The following ABCG5 variants were observed in gnomAD, a reference collection of about 807,000 sequenced individuals.
ABCG5 encodes ATP binding cassette subfamily G member 5.
In ABCG5, 64 loss-of-function variants were observed where a neutral mutation model predicts 64.5. The ratio of observed to expected loss-of-function variants is 0.99; its 90% CI spans 0.81 to 1.22. ABCG5 has a LOEUF of 1.22. Ranked by LOEUF, ABCG5 falls within the 50% of genes most tolerant of loss-of-function variation. The probability of loss-of-function intolerance (pLI) is 0.00; values close to 1 mark genes in which losing one functional copy is unlikely to be tolerated. For synonymous variants in ABCG5, 385 were observed against 326.3 expected (o/e 1.18, Z -1.94); for missense variants, 908 against 829.5 (o/e 1.09, Z -1.16).
At chr2:43,821,623 G>T (rs1029457716) in intron 10 of ABCG5, among the ~76,000 whole-genome samples, 5 of 152,086 alleles carry the variant, frequency 3.3e-5, no homozygotes, top group Non-Finnish European at 7.4e-5. Context: ...AGGTGTGCTG[G>T]ACAATGCCTA....
Position 43,838,716 on chromosome 2 carries a change from G to A in ABCG5, c.-37C>T. The A allele has an allele frequency of 1.2e-6, 2 of 1,609,696 alleles. No homozygotes were observed. Among genetic ancestry groups the A allele is most frequent in the Non-Finnish European group, 1.7e-6 (2 of 1,178,394 alleles). On this transcript the variant is annotated 5_prime_UTR_variant, in exon 1 of 13. Transcript: ENST00000405322. This position sits in a 1 kb window ranked among gnomAD's most constrained non-coding sequence, Gnocchi z 4.2. ...AGCAAAGCTGGGCAAATTTTCTGGT[G>A]GCCGGACCCTCCCCAGAGTGGCTTC...
intron 12 of ABCG5, among the ~76,000 whole-genome samples, chr2:43,813,868 A>G (rs569019252): frequency 6.0e-5 from 9 of 150,422 alleles, no homozygotes; most frequent in Admixed American, 2.6e-4. Context: ...ACAGGCACGC[A>G]CCACCACGCC....
Position 43,824,322 on chromosome 2 carries a change from A to G in ABCG5, c.1015T>C (p.Leu339=), listed in dbSNP as rs756376137. 2.5e-6 allele frequency: 4 copies of G among 1,614,142 alleles called. No individual in the cohort carries two copies. The Admixed American group carries it at 5.0e-5, about 20-fold the overall frequency. The change falls in exon 8 of 13, where the codon TTG becomes CTG. Residue 339 remains leucine (L), a synonymous_variant. Transcript: ENST00000405322. ...YKKSAICHKT[L]KNIERMKHLK... ...TGTTTCATTCTTTCAATATTCTTCA[A>G]AGTTTTATGACAAATTGCTGATTTC... is the stretch of plus-strand genomic sequence containing the variant.
At chr2:43,832,387 T>C (rs1314567836) in intron 2 of ABCG5, 2 of 526,154 alleles carry the variant, frequency 3.8e-6, no homozygotes, top group African/African-American at 3.8e-5. Flanking sequence ...TCTTTAAAAC[T>C]GTTTTGGATT....
At chr2:43,817,012 A>G (rs1050077592) in intron 11 of ABCG5, among the ~76,000 whole-genome samples, 3 of 152,212 alleles carry the variant, frequency 2.0e-5, no homozygotes, top group Admixed American at 2.0e-4. Flanking sequence ...GTTCACCCAG[A>G]AAGATGATGA....
Position 43,820,013 on chromosome 2 carries a change from A to G in ABCG5, c.1551T>C (p.Thr517=), listed in dbSNP as rs1667084473. The G allele has an allele frequency of 1.2e-6, 2 of 1,614,238 alleles. No individual in the cohort carries two copies. The highest frequency in any genetic ancestry group is 1.7e-6 in the Non-Finnish European group (2 of 1,180,040). ...TTTGGACGATACCAAGTAGCACAAGAGTTAGAAATTCACCAATTAAGTGGG... is the reference window on the plus strand; with the variant it reads ...TTTGGACGATACCAAGTAGCACAAGGGTTAGAAATTCACCAATTAAGTGGG... ...LAPHLIGEFL[T]LVLLGIVQNP... The change falls in exon 11 of 13, where the codon ACT becomes ACC. Residue 517 remains threonine (T), a synonymous_variant. Transcript: ENST00000405322.
At chr2:43,816,494 T>C (rs1469580206) in intron 11 of ABCG5, among the ~76,000 whole-genome samples, 1 of 152,180 alleles carries the variant, frequency 6.6e-6, no homozygotes, top group Non-Finnish European at 1.5e-5. Context: ...GGAGGAACCA[T>C]AGATCTGGAT....
intron 4 of ABCG5, among the ~76,000 whole-genome samples, chr2:43,829,276 G>A (rs901648972): frequency 2.0e-5 from 3 of 152,278 alleles, no homozygotes; most frequent in South Asian, 4.1e-4. Flanking sequence ...AAGTGCTGGG[G>A]TCCCATGTGG....
At chr2:43,831,896 C>T in intron 3 of ABCG5, 29 bp from the exon 4 acceptor site, 1 of 1,546,102 alleles carries the variant, frequency 6.5e-7, no homozygotes, top group Non-Finnish European at 8.7e-7. Flanking sequence ...TCAGTGTAGC[C>T]TAAGCCCCCG....
In ABCG5 at chr2:43,814,536, TG is replaced by T; in HGVS notation, c.1702del (p.Gln568LysfsTer9). On this transcript the variant is annotated frameshift_variant, in exon 12 of 13. Coordinates refer to ENST00000405322, the MANE Select transcript of ABCG5 (RefSeq NM_022436.3). LOFTEE classifies it high-confidence loss of function. ...TACAAGAATCTCACTGCAATATTTT[TG>T]GAATGTAAAATAACTGATGATTTTA... ...PFKIISYFTF[Q>X]KYCSEILVVN... The T allele has an allele frequency of 6.2e-7, 1 of 1,610,510 alleles. No individual in the cohort carries two copies. Among genetic ancestry groups the T allele is most frequent in the Non-Finnish European group, 8.5e-7 (1 of 1,177,300 alleles).
At chr2:43,818,233 C>T (rs969711683) in intron 11 of ABCG5, among the ~76,000 whole-genome samples, 16 of 152,124 alleles carry the variant, frequency 1.1e-4, no homozygotes, top group Non-Finnish European at 4.4e-5. Context: ...GGGCGAATCA[C>T]TTGAGGTCGA....
rs1668376304 is a variant in ABCG5, at chr2:43,837,827, A to T, written c.265+7T>A. On this transcript the variant is annotated splice_region_variant and intron_variant, in intron 2 of 12. Coordinates refer to ENST00000405322, the MANE Select transcript of ABCG5 (RefSeq NM_022436.3). The stretch of plus-strand genomic sequence containing the variant: ...ATCCTTTTTAGAATCCTCCTTCCCA[A>T]GCTTACCTGAGCTTCCTAGGATGCA... 8.7e-6 allele frequency: 14 copies of T among 1,613,710 alleles called. No individual in the cohort carries two copies. Among genetic ancestry groups the T allele is most frequent in the Non-Finnish European group, 1.2e-5 (14 of 1,179,906 alleles).
Position 43,824,910 on chromosome 2 carries a change from A to C in ABCG5, c.883T>G (p.Ser295Ala). 1 of 1,614,088 alleles carries C rather than the reference A, an allele frequency of 6.2e-7. No homozygotes were observed. The highest frequency in any genetic ancestry group is 8.5e-7 in the Non-Finnish European group (1 of 1,179,970). The change falls in exon 7 of 13, where the codon TCA becomes GCA. Residue 295 changes from serine to alanine, a missense_variant. Transcript: ENST00000405322. ...NDCGYPCPEH[S>A]NPFDFYMDLT... is the part of the protein sequence containing the mutation. ...TTACTATAGAAGTCAAAAGGGTTTGAATGTTCAGGACAAGGGTAACCGCAG... is the reference window on the plus strand; with the variant it reads ...TTACTATAGAAGTCAAAAGGGTTTGCATGTTCAGGACAAGGGTAACCGCAG...
chr2:43,818,347 G>T (rs1358023057), intron 11 of ABCG5, among the ~76,000 whole-genome samples: 2 of 152,148 alleles, frequency 1.3e-5, no homozygotes, highest in Admixed American at 1.3e-4. Flanking sequence ...AGGAGACTGA[G>T]GCACAAGAAT....
At chr2:43,818,399 G>C (rs112198934) in intron 11 of ABCG5, among the ~76,000 whole-genome samples, 11 of 152,130 alleles carry the variant, frequency 7.2e-5, no homozygotes, top group Non-Finnish European at 1.3e-4. Context: ...AGCTGAGATC[G>C]CGCCATTGCA....
In ABCG5 at chr2:43,822,799, G is replaced by A; in HGVS notation, c.1461C>T (p.Tyr487=). Residue 487 remains tyrosine, a splice_region_variant and synonymous_variant, in exon 10 of 13, where the codon TAC becomes TAT. Transcript: ENST00000405322. The part of the protein sequence containing the change: ...VATMIFSSVC[Y]WTLGLHPEVA... ...GGGTGAACTGAACAACCCCTCACCA[G>A]TAGCACACACTGCTGAAAATCATGG... The A allele has an allele frequency of 3.7e-6, 6 of 1,614,166 alleles. No homozygotes were observed. The highest frequency in any genetic ancestry group is 4.2e-6 in the Non-Finnish European group (5 of 1,180,024).
At chr2:43,837,694 A>T in intron 2 of ABCG5, 140 bp downstream of exon 2, 1 of 1,113,320 alleles carries the variant, frequency 9.0e-7, no homozygotes, top group Non-Finnish European at 1.4e-6. Flanking sequence ...CATTGGTAGC[A>T]GTTCCATTCA....
the ABCG5 span, among the ~76,000 whole-genome samples, chr2:43,807,158 G>A: frequency 1.2e-4 from 18 of 152,028 alleles, no homozygotes; most frequent in African/African-American, 4.3e-4. Context: ...GAGTAGTTGT[G>A]AGACCTTAAG....
At chr2:43,832,663 T>C (rs535147343) in intron 2 of ABCG5, 1 of 160,944 alleles carries the variant, frequency 6.2e-6, no homozygotes, top group Admixed American at 5.8e-5. Flanking sequence ...ACTGGCTTGG[T>C]AAGTCCTTTG....
Sources: gnomAD v4.1 joint callset for allele counts (sites outside exome capture counted in the v4.1 genomes callset) on GRCh38, gnomAD v4.1.1 for gene constraint, Gnocchi (gnomAD v3.1) non-coding constraint, MANE v1.5 for transcripts, NCBI Gene and HGNC (gene_info 2026-07-23, HGNC 2026-07-21) for gene names.